Variants in ZNF676 observed in about 807,000 individuals in gnomAD.
The protein encoded by ZNF676 is zinc finger protein 676.
A neutral mutation model predicts 6.0 loss-of-function variants in ZNF676; 4 were observed. The ratio of observed to expected loss-of-function variants is 0.67; its 90% CI spans 0.33 to 1.53. The LOEUF (loss-of-function observed/expected upper bound fraction) is 1.53, where lower values mean the gene tolerates loss of function less well. ZNF676 is among the 40% of genes most tolerant of loss of function. The pLI, the probability that ZNF676 is intolerant of heterozygous loss-of-function variation, is 0.06. For synonymous variants in ZNF676, 198 were observed against 223.1 expected (o/e 0.89, Z 1.00); for missense variants, 644 against 679.7 (o/e 0.95, Z 0.58).
the ZNF676 span, among the ~76,000 whole-genome samples, chr19:22,221,786 A>G: frequency 6.6e-6 from 1 of 151,874 alleles, no homozygotes; most frequent in African/African-American, 2.4e-5. Context: ...TTGGCCTATT[A>G]TATGGTCTAT....
chr19:22,196,284 TC>T (rs914569816), intron 1 of ZNF676, among the ~76,000 whole-genome samples: 3 of 152,070 alleles, frequency 2.0e-5, no homozygotes, highest in African/African-American at 7.2e-5. Context: ...GGTGCCATGC[TC>T]CTTGGAGTTA....
the ZNF676 span, among the ~76,000 whole-genome samples, chr19:22,249,307 G>T: frequency 1.7e-4 from 26 of 152,142 alleles, no homozygotes; most frequent in Admixed American, 4.6e-4. Context: ...TGAGCTGAAG[G>T]TTTGAGCAAG....
At chr19:22,214,598 CAAAA>C (rs71924274) in intron 1 of ZNF676, among the ~76,000 whole-genome samples, 4 of 86,960 alleles carry the variant, frequency 4.6e-5, no homozygotes, top group African/African-American at 1.1e-4. Flanking sequence ...GACTTGGTCT[CAAAA>C]AAAAAAAAAA....
the ZNF676 span, chr19:22,244,983 C>T: frequency 2.0e-5 from 3 of 151,954 alleles, no homozygotes; most frequent in Non-Finnish European, 2.9e-5. Flanking sequence ...ATCACCTAGG[C>T]GTTGGACCAA....
chr19:22,184,461 A>C (rs2023804341), intron 2 of ZNF676, among the ~76,000 whole-genome samples: 1 of 152,108 alleles, frequency 6.6e-6, no homozygotes, highest in Admixed American at 6.6e-5. Flanking sequence ...TAGCTGCAAG[A>C]GTTTTTTCTT....
At chr19:22,250,203 C>T in the ZNF676 span, among the ~76,000 whole-genome samples, 1 of 150,360 alleles carries the variant, frequency 6.7e-6, no homozygotes, top group Non-Finnish European at 1.5e-5. Context: ...AAAGAAAAAA[C>T]TGGGTTTGAA....
intron 1 of ZNF676, among the ~76,000 whole-genome samples, chr19:22,204,558 T>C (rs1206634832): frequency 6.6e-6 from 1 of 152,228 alleles, no homozygotes; most frequent in African/African-American, 2.4e-5. Context: ...GTTTATACAC[T>C]GAACTCTTCT....
intron 1 of ZNF676, among the ~76,000 whole-genome samples, chr19:22,211,616 T>C (rs545468024): frequency 9.6e-4 from 146 of 152,278 alleles, no homozygotes; most frequent in African/African-American, 3.4e-3. Flanking sequence ...TAAACAGTTA[T>C]ATGGGAACAC....
intron 1 of ZNF676, among the ~76,000 whole-genome samples, chr19:22,206,195 T>C (rs1378271612): frequency 6.6e-6 from 1 of 152,016 alleles, no homozygotes; most frequent in Non-Finnish European, 1.5e-5. Context: ...ACAGCTGAAT[T>C]CTACCAGATG....
At chr19:22,258,085 G>A in the ZNF676 span, among the ~76,000 whole-genome samples, 1 of 152,074 alleles carries the variant, frequency 6.6e-6, no homozygotes, top group Non-Finnish European at 1.5e-5. Context: ...ATTCCTGTGA[G>A]CAAAGACCAG....
At chr19:22,233,865 T>A in the ZNF676 span, among the ~76,000 whole-genome samples, 1 of 152,234 alleles carries the variant, frequency 6.6e-6, no homozygotes, top group Non-Finnish European at 1.5e-5. Flanking sequence ...ATCAAAATCC[T>A]CCTCTGCTGA....
chr19:22,257,634 G>T, the ZNF676 span, among the ~76,000 whole-genome samples: 1 of 152,330 alleles, frequency 6.6e-6, no homozygotes, highest in African/African-American at 2.4e-5. Context: ...TGTATGTACA[G>T]CCCAGGCAGG....
At chr19:22,235,072 GT>G in the ZNF676 span, among the ~76,000 whole-genome samples, 190 of 141,654 alleles carry the variant, frequency 1.3e-3, no homozygotes, top group African/African-American at 4.4e-3. Context: ...GAAGAAGGAA[GT>G]CAGGAAGGCA....
In ZNF676 at chr19:22,180,102, C is replaced by T; in HGVS notation, c.1615G>A (p.Gly539Ser). The stretch of plus-strand genomic sequence containing the variant: ...CTTGAGGATCTGCTGAAGGCTTTGC[C>T]ACATTCTTCACATTTGTAGGGTTTC... ...GEKPYKCEEC[G>S]KAFSRSSSLT... is the part of the protein sequence containing the mutation. The change falls in exon 3 of 3, where the codon GGC becomes AGC. Residue 539 changes from glycine to serine, a missense_variant. By Grantham distance (56) the Gly-to-Ser change is moderately conservative. Coordinates refer to ENST00000397121, the MANE Select transcript of ZNF676 (RefSeq NM_001001411.3). The T allele has an allele frequency of 6.2e-7, 1 of 1,613,860 alleles. No homozygotes were observed. Among genetic ancestry groups the T allele is most frequent in the African/African-American group, 1.3e-5 (1 of 75,018 alleles).
chr19:22,236,409 C>A, the ZNF676 span, among the ~76,000 whole-genome samples: 1 of 152,090 alleles, frequency 6.6e-6, no homozygotes, highest in Non-Finnish European at 1.5e-5. Context: ...ACTGGAGGAC[C>A]ACAGTGATGT....
At chr19:22,251,807 C>T in the ZNF676 span, among the ~76,000 whole-genome samples, 3 of 147,604 alleles carry the variant, frequency 2.0e-5, no homozygotes, top group African/African-American at 4.9e-5. Context: ...AAAAAAAATC[C>T]GGATCACTAA....
chr19:22,185,717 C>T (rs1285872056), intron 2 of ZNF676, among the ~76,000 whole-genome samples: 8 of 152,014 alleles, frequency 5.3e-5, no homozygotes, highest in Admixed American at 3.9e-4. Flanking sequence ...AAACACAGCA[C>T]GAGAACTTTG....
chr19:22,243,614 A>T, the ZNF676 span: 1 of 152,022 alleles, frequency 6.6e-6, no homozygotes, highest in Non-Finnish European at 1.5e-5. Flanking sequence ...CTCTGTTGGA[A>T]CACTTTCTGC....
chr19:22,236,231 G>A, the ZNF676 span, among the ~76,000 whole-genome samples: 1 of 151,878 alleles, frequency 6.6e-6, no homozygotes, highest in Non-Finnish European at 1.5e-5. Flanking sequence ...ACTACTCAGG[G>A]AGCCAATGTA....
Sources: allele counts gnomAD v4.1 joint callset (sites outside exome capture counted in the v4.1 genomes callset), GRCh38; gene constraint gnomAD v4.1.1; transcripts MANE v1.5; gene names NCBI Gene and HGNC (gene_info 2026-07-23, HGNC 2026-07-21).